CACNA2D3: variants seen among roughly 807,000 people sequenced by gnomAD.
The protein encoded by CACNA2D3 is calcium voltage-gated channel auxiliary subunit alpha2delta 3, also known as voltage-dependent calcium channel subunit alpha-2/delta-3.
CACNA2D3 carries 60 observed loss-of-function variants against 160.6 expected under a neutral mutation model. That is an observed-to-expected ratio of 0.37 (90% CI 0.30 to 0.46). The LOEUF is 0.46. Among genes scored for constraint, CACNA2D3 ranks in the 20% least tolerant of loss-of-function variants. CACNA2D3 has a pLI of 1.00. For missense variants in CACNA2D3, 1,205 were observed against 1,365.0 expected (o/e 0.88, Z 1.85); for synonymous variants, 558 against 492.9 (o/e 1.13, Z -1.75).
chr3:54,664,970 T>C lies in CACNA2D3; in HGVS notation c.1167+22729T>C, dbSNP rs567523543. Among the ~76,000 whole-genome samples, 5 of 152,366 alleles carry C rather than the reference T, an allele frequency of 3.3e-5. No homozygotes were observed. The South Asian group carries it at 1.0e-3, about 32-fold the overall frequency. On this transcript the variant is annotated intron_variant, in intron 11 of 37. Transcript: ENST00000474759. ...AATGAGCCAGCTAGTAAAGGTTCAT[T>C]TGATGTCTCTGCTTTTCCTTTGTAT...
intron 35 of CACNA2D3, among the ~76,000 whole-genome samples, chr3:55,044,536 G>A (rs1365610293): frequency 1.3e-5 from 2 of 151,832 alleles, no homozygotes; most frequent in Non-Finnish European, 2.9e-5. Flanking sequence ...TATATCGTAT[G>A]TGCATTAAGA....
intron 35 of CACNA2D3, among the ~76,000 whole-genome samples, chr3:55,033,209 T>TTTC (rs1048001921): frequency 1.3e-5 from 2 of 152,166 alleles, no homozygotes; most frequent in African/African-American, 4.8e-5. Context: ...CTTACGAATC[T>TTTC]TTCTTCACAT....
chr3:54,586,074 C>G (rs746943739), intron 9 of CACNA2D3, among the ~76,000 whole-genome samples: 6 of 151,934 alleles, frequency 3.9e-5, no homozygotes, highest in Non-Finnish European at 8.8e-5. Flanking sequence ...ACCATCCTGG[C>G]TAACATGTTG....
intron 25 of CACNA2D3, among the ~76,000 whole-genome samples, chr3:54,891,879 T>G (rs1187615976): frequency 6.6e-6 from 1 of 152,182 alleles, no homozygotes; most frequent in African/African-American, 2.4e-5. Flanking sequence ...TTGTTTACAT[T>G]TTACTAATAA....
chr3:54,243,510 T>A (rs1276199167), intron 2 of CACNA2D3, among the ~76,000 whole-genome samples: 1 of 152,236 alleles, frequency 6.6e-6, no homozygotes, highest in Non-Finnish European at 1.5e-5. Flanking sequence ...TTCATGTGTC[T>A]TTAACTTTGC....
intron 26 of CACNA2D3, among the ~76,000 whole-genome samples, chr3:54,899,280 C>T (rs1700271545): frequency 6.6e-6 from 1 of 152,128 alleles, no homozygotes; most frequent in African/African-American, 2.4e-5. Flanking sequence ...AGCTCTATCC[C>T]TGTTTAGAAT....
At chr3:54,881,599 T>G (rs1699797444) in intron 21 of CACNA2D3, among the ~76,000 whole-genome samples, 1 of 151,962 alleles carries the variant, frequency 6.6e-6, no homozygotes. Context: ...CTCACAGGGG[T>G]GGTGGACATT....
At chr3:54,977,216 C>T (rs900216138) in intron 29 of CACNA2D3, among the ~76,000 whole-genome samples, 1 of 152,098 alleles carries the variant, frequency 6.6e-6, no homozygotes, top group African/African-American at 2.4e-5. Flanking sequence ...GATCAATTTT[C>T]CTAGGGTACT....
chr3:54,178,349 C>T (rs1375021637), intron 2 of CACNA2D3, among the ~76,000 whole-genome samples: 1 of 152,194 alleles, frequency 6.6e-6, no homozygotes, highest in Non-Finnish European at 1.5e-5. Flanking sequence ...GGAGTTGTCT[C>T]CAAGGCAGTT....
Position 54,816,628 on chromosome 3 carries a change from G to A in CACNA2D3, c.1381-225G>A, listed in dbSNP as rs183681162. Among the ~76,000 whole-genome samples, 18 of 152,272 alleles carry A rather than the reference G, an allele frequency of 1.2e-4. No homozygotes were observed. In the East Asian group the frequency reaches 3.5e-3, roughly 29 times the overall value. On this transcript the variant is annotated intron_variant, in intron 13 of 37. Coordinates refer to ENST00000474759, the MANE Select transcript of CACNA2D3 (RefSeq NM_018398.3). Reference sequence around the variant, plus strand: ...TGTGGTGATTCCCAAAACACATGCTGGAAAGCTCGTAGATTATCTGTTGAT... The same window carrying A: ...TGTGGTGATTCCCAAAACACATGCTAGAAAGCTCGTAGATTATCTGTTGAT...
At position 54,969,725 on chromosome 3, in the gene CACNA2D3, A is replaced by G. The variant is rs987567728; in HGVS notation, c.2512-75A>G. ...TGGATAGCTTGTCCTTAAGTAGCTCAGTGGCAGCCACAGCAGGCACTGGGA... is the reference window on the plus strand; with the variant it reads ...TGGATAGCTTGTCCTTAAGTAGCTCGGTGGCAGCCACAGCAGGCACTGGGA... On this transcript the variant is annotated intron_variant, in intron 28 of 37. Coordinates refer to ENST00000474759, the MANE Select transcript of CACNA2D3 (RefSeq NM_018398.3). 7 of 1,251,468 alleles carry G rather than the reference A, an allele frequency of 5.6e-6. No homozygotes were observed. The South Asian group carries it at 6.4e-5, about 11-fold the overall frequency. The allele number at this position is 1,251,468 out of a possible 1,614,324, so 77.5% of individuals were successfully genotyped here. A position where few individuals can be genotyped will look rare whatever the true frequency, so the allele number is the denominator to read the frequency against.
intron 4 of CACNA2D3, among the ~76,000 whole-genome samples, chr3:54,435,311 G>T (rs1700044310): frequency 6.6e-6 from 1 of 152,262 alleles, no homozygotes; most frequent in East Asian, 1.9e-4. Context: ...TCATCTCTCC[G>T]ATCCTGCGTG....
intron 29 of CACNA2D3, among the ~76,000 whole-genome samples, chr3:54,979,957 A>G (rs1015316216): frequency 6.6e-6 from 1 of 152,240 alleles, no homozygotes; most frequent in African/African-American, 2.4e-5. Context: ...CATAACAATT[A>G]TAACTATTAA....
Position 54,961,835 on chromosome 3 carries a change from G to A in CACNA2D3, c.2450-6615G>A, listed in dbSNP as rs76055464. On this transcript the variant is annotated intron_variant, in intron 27 of 37. Transcript: ENST00000474759. ...TGCTTTTAACAGAGTGGTAGAAGCCGGGTAATTTGTAAAGAAAAGGAATTC... is the reference window on the plus strand; with the variant it reads ...TGCTTTTAACAGAGTGGTAGAAGCCAGGTAATTTGTAAAGAAAAGGAATTC... Among the ~76,000 whole-genome samples the A allele has an allele frequency of 1.4e-3, 220 of 152,158 alleles. 4 individuals are homozygous for A. Among genetic ancestry groups the A allele is most frequent in the African/African-American group, 5.0e-3 (208 of 41,506 alleles).
At chr3:55,026,361 T>C (rs1442219816) in intron 35 of CACNA2D3, among the ~76,000 whole-genome samples, 1 of 152,182 alleles carries the variant, frequency 6.6e-6, no homozygotes, top group African/African-American at 2.4e-5. Context: ...TTCTTGATCA[T>C]CTGCTTGCAT....
At chr3:54,706,294 TA>T (rs1450491676) in intron 11 of CACNA2D3, among the ~76,000 whole-genome samples, 2 of 152,230 alleles carry the variant, frequency 1.3e-5, no homozygotes, top group South Asian at 2.1e-4. Context: ...AATAGAAGGT[TA>T]GCCTAGGGGC....
chr3:54,671,492 A>G (rs1256671523), intron 11 of CACNA2D3, among the ~76,000 whole-genome samples: 8 of 152,148 alleles, frequency 5.3e-5, no homozygotes, highest in Non-Finnish European at 8.8e-5. Context: ...AGGAGAAAGT[A>G]AGTGAGGGAG....
chr3:54,603,218 A>C (rs1366212044), intron 9 of CACNA2D3, among the ~76,000 whole-genome samples: 1 of 152,230 alleles, frequency 6.6e-6, no homozygotes, highest in Non-Finnish European at 1.5e-5. Flanking sequence ...AGGAAGAGCC[A>C]GTGTGAGGCT....
intron 2 of CACNA2D3, among the ~76,000 whole-genome samples, chr3:54,158,883 T>A (rs1397324178): frequency 6.6e-6 from 1 of 152,202 alleles, no homozygotes; most frequent in Admixed American, 6.5e-5. Flanking sequence ...TCTGTGCACA[T>A]GAAATCGAAC....
Sources: allele counts gnomAD v4.1 joint callset (sites outside exome capture counted in the v4.1 genomes callset), GRCh38; gene constraint gnomAD v4.1.1; transcripts MANE v1.5; gene names NCBI Gene and HGNC (gene_info 2026-07-23, HGNC 2026-07-21).